The following ARSK variants were observed in gnomAD, a reference collection of about 807,000 sequenced individuals.
The protein encoded by ARSK is arylsulfatase K.
Under a neutral mutation model 53.2 loss-of-function variants are expected in ARSK, and 37 were observed. The observed-to-expected ratio is 0.70, with a 90% confidence interval of 0.54 to 0.92. The LOEUF is 0.92. Ranked by LOEUF, ARSK falls within the 40% of genes least tolerant of loss-of-function variation. ARSK has a pLI of 0.00. For missense variants in ARSK, 613 were observed against 643.0 expected (o/e 0.95, Z 0.51); for synonymous variants, 208 against 223.2 (o/e 0.93, Z 0.61).
rs149440706 is a variant in ARSK at position 95,569,035 on chromosome 5, G to A, written c.416+986G>A. On this transcript the variant is annotated intron_variant, in intron 3 of 7. Coordinates refer to ENST00000380009, the MANE Select transcript of ARSK (RefSeq NM_198150.3). Reference sequence around the variant, plus strand: ...TAGTTTCTTCTGGACTTTGCCCTAAGCACCTTTTCCCTTTGCTGATTTTGC... The same window carrying A: ...TAGTTTCTTCTGGACTTTGCCCTAAACACCTTTTCCCTTTGCTGATTTTGC... Among the ~76,000 whole-genome samples, 583 of 152,298 alleles carry A rather than the reference G, an allele frequency of 3.8e-3. 4 individuals carry two copies. The highest frequency in any genetic ancestry group is 7.2e-3 in the South Asian group (35 of 4,830).
At chr5:95,582,824 TG>T in intron 3 of ARSK, 91 bp from the exon 4 acceptor site, 4 of 1,243,046 alleles carry the variant, frequency 3.2e-6, no homozygotes, top group Non-Finnish European at 3.3e-6. Context: ...GTCTAAAAAT[TG>T]TTTTCCATGT....
At chr5:95,592,180 A>G (rs1323660641) in intron 6 of ARSK, among the ~76,000 whole-genome samples, 1 of 152,244 alleles carries the variant, frequency 6.6e-6, no homozygotes, top group Non-Finnish European at 1.5e-5. Context: ...AAAGGAAATC[A>G]TAGAACTAAC....
chr5:95,558,979 A>G (rs1003506884), intron 1 of ARSK, among the ~76,000 whole-genome samples: 4 of 152,126 alleles, frequency 2.6e-5, no homozygotes, highest in Middle Eastern at 3.2e-3. Flanking sequence ...TGTCTCTACT[A>G]AAAATACAAA....
chr5:95,571,943 G>A (rs890533765), intron 3 of ARSK, among the ~76,000 whole-genome samples: 6 of 152,162 alleles, frequency 3.9e-5, no homozygotes, highest in Admixed American at 1.3e-4. Flanking sequence ...ATTCAGTCTT[G>A]TTGATAGATT....
intron 3 of ARSK, among the ~76,000 whole-genome samples, chr5:95,572,362 A>C (rs553373641): frequency 6.6e-6 from 1 of 152,264 alleles, no homozygotes; most frequent in South Asian, 2.1e-4. Flanking sequence ...CTGAAATTCT[A>C]TAACTCCAAT....
In ARSK at chr5:95,578,234, C is replaced by A. The variant is rs577496249; in HGVS notation, c.417-4682C>A. Among the ~76,000 whole-genome samples the A allele has an allele frequency of 1.1e-4, 16 of 152,222 alleles. No individual in the cohort carries two copies. The South Asian group carries it at 3.1e-3, about 30-fold the overall frequency. On this transcript the variant is annotated intron_variant, in intron 3 of 7. Coordinates refer to ENST00000380009, the MANE Select transcript of ARSK (RefSeq NM_198150.3). ...TGGCAGGATCATAGCTCACTGAAGCCTCAAACTCCTGACCATAAGTGATCC... is the reference window on the plus strand; with the variant it reads ...TGGCAGGATCATAGCTCACTGAAGCATCAAACTCCTGACCATAAGTGATCC...
intron 3 of ARSK, among the ~76,000 whole-genome samples, chr5:95,573,174 A>G (rs1748864614): frequency 6.6e-6 from 1 of 152,208 alleles, no homozygotes; most frequent in African/African-American, 2.4e-5. Context: ...CATTTTAAAT[A>G]TTGTTTATTC....
chr5:95,589,488 C>A (rs1749177191), intron 5 of ARSK, among the ~76,000 whole-genome samples: 1 of 152,174 alleles, frequency 6.6e-6, no homozygotes, highest in African/African-American at 2.4e-5. Context: ...TTCATGTGTT[C>A]TCATTGTTCA....
chr5:95,603,559 CATATAA>C lies in ARSK; in HGVS notation c.*39_*44del, dbSNP rs760715018. On this transcript the variant is annotated 3_prime_UTR_variant, in exon 8 of 8. Transcript: ENST00000380009. ...GTTTAAAAATAGTGTTCTAGAGATACATATAAATATATTACAAGATCATAATTATGT... is the reference window on the plus strand; with the variant it reads ...GTTTAAAAATAGTGTTCTAGAGATACATATATTACAAGATCATAATTATGT... The C allele has an allele frequency of 1.4e-6, 2 of 1,465,746 alleles. No homozygotes were observed. Among genetic ancestry groups the C allele is most frequent in the South Asian group, 2.9e-5 (2 of 68,850 alleles). 90.8% of individuals were successfully genotyped at this position (1,465,746 alleles called of 1,614,324 possible).
At chr5:95,564,990 C>T (rs1487462008) in intron 1 of ARSK, among the ~76,000 whole-genome samples, 1 of 152,278 alleles carries the variant, frequency 6.6e-6, no homozygotes, top group East Asian at 1.9e-4. Context: ...ATCCAACAGC[C>T]TACTTTATAT....
At chr5:95,583,826 G>A (rs1333824958) in intron 4 of ARSK, among the ~76,000 whole-genome samples, 1 of 152,014 alleles carries the variant, frequency 6.6e-6, no homozygotes, top group Non-Finnish European at 1.5e-5. Context: ...TCTAAATTTG[G>A]ATTACCTTCC....
intron 7 of ARSK, among the ~76,000 whole-genome samples, chr5:95,602,298 T>A (rs1162489735): frequency 6.6e-6 from 1 of 152,158 alleles, no homozygotes; most frequent in Non-Finnish European, 1.5e-5. Context: ...TAAAAGCCAA[T>A]TTGTTCTTTA....
intron 1 of ARSK, among the ~76,000 whole-genome samples, chr5:95,557,404 TC>T (rs1748541555): frequency 6.6e-6 from 1 of 152,250 alleles, no homozygotes; most frequent in African/African-American, 2.4e-5. Context: ...TATACTTATA[TC>T]TTTTTTGTTT....
intron 1 of ARSK, among the ~76,000 whole-genome samples, chr5:95,564,942 C>T (rs1748702515): frequency 1.3e-5 from 2 of 152,114 alleles, no homozygotes; most frequent in South Asian, 2.1e-4. Context: ...TTTTATTTCG[C>T]CAAGATAGAC....
chr5:95,595,455 T>C (rs1166085772), intron 6 of ARSK, among the ~76,000 whole-genome samples: 1 of 152,038 alleles, frequency 6.6e-6, no homozygotes, highest in Non-Finnish European at 1.5e-5. Flanking sequence ...ATAAAGAAAA[T>C]GTGGCACATA....
At chr5:95,574,725 T>G (rs1748893463) in intron 3 of ARSK, among the ~76,000 whole-genome samples, 2 of 152,198 alleles carry the variant, frequency 1.3e-5, no homozygotes, top group African/African-American at 2.4e-5. Context: ...TTGAGCTCCT[T>G]ATATATTCTG....
rs564714156 is a variant in ARSK at position 95,598,699 on chromosome 5, A to G, written c.1097-2148A>G. ...CTAGAGTAAAAATTCAGTGTCTTTAATTAGGCTTTGAGAGTCCAACATGAT... is the reference window on the plus strand; with the variant it reads ...CTAGAGTAAAAATTCAGTGTCTTTAGTTAGGCTTTGAGAGTCCAACATGAT... On this transcript the variant is annotated intron_variant, in intron 6 of 7. Coordinates refer to ENST00000380009, the MANE Select transcript of ARSK (RefSeq NM_198150.3). Among the ~76,000 whole-genome samples, 16 of 152,300 alleles carry G rather than the reference A, an allele frequency of 1.1e-4. No homozygotes were observed. In the East Asian group the frequency reaches 1.7e-3, roughly 17 times the overall value.
intron 3 of ARSK, among the ~76,000 whole-genome samples, chr5:95,570,743 T>G (rs1020170111): frequency 1.3e-5 from 2 of 152,088 alleles, no homozygotes; most frequent in Admixed American, 1.3e-4. Flanking sequence ...ATTATGAAAA[T>G]GGCTTAACCA....
At chr5:95,579,545 TCCCACAACA>T (rs1748988323) in intron 3 of ARSK, among the ~76,000 whole-genome samples, 1 of 152,188 alleles carries the variant, frequency 6.6e-6, no homozygotes, top group East Asian at 1.9e-4. Flanking sequence ...ATCAGGTCCC[TCCCACAACA>T]TGTGGGAATT....
Sources: gnomAD v4.1 joint callset for allele counts (sites outside exome capture counted in the v4.1 genomes callset) on GRCh38, gnomAD v4.1.1 for gene constraint, MANE v1.5 for transcripts, NCBI Gene and HGNC (gene_info 2026-07-23, HGNC 2026-07-21) for gene names.